POMT2: variants seen among roughly 807,000 people sequenced by gnomAD.
POMT2 encodes the protein protein O-mannosyltransferase 2.
In POMT2, 75 loss-of-function variants were observed where a neutral mutation model predicts 100.0. The ratio of observed to expected loss-of-function variants is 0.75; its 90% CI spans 0.62 to 0.91. POMT2 has a LOEUF of 0.91. Ranked by LOEUF, POMT2 falls within the 40% of genes least tolerant of loss-of-function variation. The pLI is 0.00. For missense variants in POMT2, 940 were observed against 955.1 expected, an observed-to-expected ratio of 0.98 and a Z score of 0.21; for synonymous variants, 378 against 374.1, an observed-to-expected ratio of 1.01 and a Z score of -0.12.
At chr14:77,311,324 C>CT (rs1362065639) in intron 2 of POMT2, among the ~76,000 whole-genome samples, 14 of 152,192 alleles carry the variant, frequency 9.2e-5, no homozygotes, top group African/African-American at 3.4e-4. Flanking sequence ...TTTCTTTTTT[C>CT]TTTTTTAAAA....
chr14:77,292,887 A>G (rs1468689019), intron 9 of POMT2, among the ~76,000 whole-genome samples: 2 of 152,164 alleles, frequency 1.3e-5, no homozygotes, highest in African/African-American at 4.8e-5. Flanking sequence ...GGTAGGCTGG[A>G]CCACCTAGGT....
chr14:77,320,404 G>T, intron 1 of POMT2, 30 bp downstream of exon 1: 1 of 1,544,694 alleles, frequency 6.5e-7, no homozygotes. Context: ...CGGTTGCCAT[G>T]GTGCCCGCCG....
chr14:77,313,877 T>C (rs1891531015), intron 1 of POMT2, among the ~76,000 whole-genome samples: 1 of 152,030 alleles, frequency 6.6e-6, no homozygotes, highest in South Asian at 2.1e-4. Flanking sequence ...CTGGCTAATT[T>C]TTGTATTTTT....
rs769829396 is a variant in POMT2, at chr14:77,299,487, G to T, written c.891C>A (p.Thr297=). 42 of 1,613,970 alleles carry T rather than the reference G, an allele frequency of 2.6e-5. No individual in the cohort carries two copies. The highest frequency in any genetic ancestry group is 3.3e-5 in the Non-Finnish European group (39 of 1,179,996). ...TCAGCACCATGAAGTGAACAGCAAA[G>T]GTGGCTGTATAGAGAGCCAGGGGCA... ...IVLPLALYTA[T]FAVHFMVLSK... The change falls in exon 7 of 21, where the codon ACC becomes ACA. Residue 297 remains threonine, a synonymous_variant. Coordinates refer to ENST00000261534, the MANE Select transcript of POMT2 (RefSeq NM_013382.7).
Position 77,296,232 on chromosome 14 carries a change from T to C in POMT2, c.1048A>G (p.Met350Val), listed in dbSNP as rs749883166. Residue 350 changes from methionine to valine, a missense_variant, in exon 9 of 21, where the codon ATG becomes GTG. Met to Val is a conservative substitution (Grantham distance 21, BLOSUM62 1). Transcript: ENST00000261534. ...GSVITVKNLRMAIGYLHSHRH... is the reference protein window; with the variant it reads ...GSVITVKNLRVAIGYLHSHRH... ...TGGGAGTGCAGATAGCCGATGGCCA[T>C]CCGGAGGTTCTTCACAGTGATCACA... The C allele has an allele frequency of 6.2e-6, 10 of 1,608,776 alleles. No homozygotes were observed. The highest frequency in any genetic ancestry group is 8.5e-6 in the Non-Finnish European group (10 of 1,178,078).
Position 77,280,035 on chromosome 14 carries a change from G to C in POMT2, c.1771C>G (p.Leu591Val). ...GVNDTDFRVY[L>V]LGNPVVWWLN... ...TAGGCACTCACCGGGTTGCCAAGCAGATAGACTCGGAAATCTGTGTCATTG... is the reference window on the plus strand; with the variant it reads ...TAGGCACTCACCGGGTTGCCAAGCACATAGACTCGGAAATCTGTGTCATTG... Residue 591 changes from leucine (L) to valine (V), a missense_variant, in exon 17 of 21, where the codon CTG becomes GTG. Transcript: ENST00000261534. 5 of 1,613,992 alleles carry C rather than the reference G, an allele frequency of 3.1e-6. No individual in the cohort carries two copies. The highest frequency in any genetic ancestry group is 4.2e-6 in the Non-Finnish European group (5 of 1,180,022).
At chr14:77,301,972 C>A (rs538633087) in intron 5 of POMT2, among the ~76,000 whole-genome samples, 1 of 152,184 alleles carries the variant, frequency 6.6e-6, no homozygotes. Context: ...GAGCTCAGTA[C>A]CTCCAGCTCC....
At chr14:77,304,109 A>AC (rs1290769403) in intron 4 of POMT2, among the ~76,000 whole-genome samples, 2 of 152,176 alleles carry the variant, frequency 1.3e-5, no homozygotes, top group African/African-American at 2.4e-5. Context: ...CCCCTAAAGT[A>AC]CCCCATTTAA....
rs1306836889 is a variant in POMT2 at position 77,279,842 on chromosome 14, C to T, written c.1872G>A (p.Arg624=). 2 of 1,613,618 alleles carry T rather than the reference C, an allele frequency of 1.2e-6. No homozygotes were observed. Among genetic ancestry groups the T allele is most frequent in the Non-Finnish European group, 1.7e-6 (2 of 1,179,958 alleles). The change falls in exon 18 of 21, where the codon CGG becomes CGA. Residue 624 remains arginine (R), a synonymous_variant. Coordinates refer to ENST00000261534, the MANE Select transcript of POMT2 (RefSeq NM_013382.7). ...CCTGACCTGCAACCTCCGCTGGCAGCCGTGCCCCTCTCTGCATGGCTACAG... is the reference window on the plus strand; with the variant it reads ...CCTGACCTGCAACCTCCGCTGGCAGTCGTGCCCCTCTCTGCATGGCTACAG... The part of the protein sequence containing the change: ...IIAVAMQRGA[R]LPAEVAGLSQ...
At chr14:77,292,742 A>G (rs1890681726) in intron 9 of POMT2, among the ~76,000 whole-genome samples, 1 of 152,212 alleles carries the variant, frequency 6.6e-6, no homozygotes, top group Non-Finnish European at 1.5e-5. Context: ...CCATGTTTAG[A>G]TATGTTTAAG....
At position 77,278,499 on chromosome 14, in the gene POMT2, C is replaced by T; in HGVS notation, c.2042G>A (p.Trp681Ter). 1 of 1,478,752 alleles carries T rather than the reference C, an allele frequency of 6.8e-7. No homozygotes were observed. Among genetic ancestry groups the T allele is most frequent in the African/African-American group, 1.4e-5 (1 of 71,544 alleles). The allele number at this position is 1,478,752 out of a possible 1,614,324, so 91.6% of individuals were successfully genotyped here. The change falls in exon 20 of 21, where the codon TGG (tryptophan) becomes TAG (stop). Residue 681 changes from tryptophan to a stop codon, truncating the protein, a stop_gained. Coordinates refer to ENST00000261534, the MANE Select transcript of POMT2 (RefSeq NM_013382.7). LOFTEE classifies it high-confidence loss of function. The stretch of plus-strand genomic sequence containing the variant: ...GGCACAGAGCCGCAGGAGGGTGTCC[C>T]ACAGAATGCCTAGAGGAGAGGAGAG... The part of the protein sequence containing the change: ...LFSSMLTGIL[W>*]DTLLRLCAWG...
At chr14:77,286,168 A>G (rs147950882) in intron 12 of POMT2, among the ~76,000 whole-genome samples, 47 of 152,340 alleles carry the variant, frequency 3.1e-4, no homozygotes, top group African/African-American at 1.0e-3. Flanking sequence ...GCAAACAGAA[A>G]GAGGGCTGGG....
Position 77,300,819 on chromosome 14 carries a change from C to CA in POMT2, c.816+270dup, listed in dbSNP as rs748794664. On this transcript the variant is annotated intron_variant, in intron 6 of 20. Transcript: ENST00000261534. ...TGGGTAACAGAGTGAAACTCTATCTCAAAAAAAAAAAAAAGACAGACATTA... is the reference window on the plus strand; with the variant it reads ...TGGGTAACAGAGTGAAACTCTATCTCAAAAAAAAAAAAAAAGACAGACATTA... 20,396 of 336,388 alleles carry CA rather than the reference C, an allele frequency of 0.061. 60 individuals are homozygous for CA. Among genetic ancestry groups the CA allele is most frequent in the East Asian group, 0.076 (1,003 of 13,266 alleles). The allele number at this position is 336,388 out of a possible 1,614,324, so 20.8% of individuals were successfully genotyped here. A position where few individuals can be genotyped will look rare whatever the true frequency, so the allele number is the denominator to read the frequency against.
chr14:77,294,050 T>C (rs1890736341), intron 9 of POMT2, among the ~76,000 whole-genome samples: 1 of 152,224 alleles, frequency 6.6e-6, no homozygotes, highest in Admixed American at 6.5e-5. Context: ...AATTAAATCA[T>C]AATCTCTGCA....
rs1237291743 is a variant in POMT2 at position 77,284,936 on chromosome 14, G to A, written c.1576+14C>T. 1 of 1,583,994 alleles carries A rather than the reference G, an allele frequency of 6.3e-7. No homozygotes were observed. Among genetic ancestry groups the A allele is most frequent in the African/African-American group, 1.3e-5 (1 of 74,232 alleles). On this transcript the variant is annotated intron_variant, in intron 14 of 20. Coordinates refer to ENST00000261534, the MANE Select transcript of POMT2 (RefSeq NM_013382.7). ...CTTCCCTCCAGAGCCAGCCCAGAAA[G>A]TGACCTCACTCACACTTGGGATTGA...
chr14:77,290,517 C>A (rs1226415372), intron 10 of POMT2, among the ~76,000 whole-genome samples: 1 of 152,182 alleles, frequency 6.6e-6, no homozygotes, highest in Non-Finnish European at 1.5e-5. Flanking sequence ...CTGGGATAGG[C>A]TAAGCCAGGT....
At chr14:77,284,526 G>C (rs972870550) in intron 14 of POMT2, among the ~76,000 whole-genome samples, 4 of 151,672 alleles carry the variant, frequency 2.6e-5, no homozygotes, top group African/African-American at 7.3e-5. Flanking sequence ...TGGGTGTAGA[G>C]ATGTGGGGCA....
At chr14:77,306,937 C>T (rs1891248488) in intron 2 of POMT2, 1 of 184,956 alleles carries the variant, frequency 5.4e-6, no homozygotes, top group Admixed American at 5.4e-5. Flanking sequence ...AATGCAAAGA[C>T]AGATGCTTTG....
chr14:77,318,955 C>T (rs571848705), intron 1 of POMT2, among the ~76,000 whole-genome samples: 1 of 152,238 alleles, frequency 6.6e-6, no homozygotes, highest in African/African-American at 2.4e-5. Context: ...AGGTTGGTCT[C>T]GAACTCCTGA....
Sources: allele counts gnomAD v4.1 joint callset (sites outside exome capture counted in the v4.1 genomes callset), GRCh38; gene constraint gnomAD v4.1.1; transcripts MANE v1.5; gene names NCBI Gene and HGNC (gene_info 2026-07-23, HGNC 2026-07-21).